The following STAU2 variants were observed in gnomAD, a reference collection of about 807,000 sequenced individuals.
STAU2 encodes double-stranded RNA-binding protein Staufen homolog 2.
A neutral mutation model predicts 65.9 loss-of-function variants in STAU2; 20 were observed. That is an observed-to-expected ratio of 0.30 (90% CI 0.21 to 0.44). STAU2 has a LOEUF of 0.44. Among genes scored for constraint, STAU2 ranks in the 20% least tolerant of loss-of-function variants. STAU2 has a pLI of 1.00. For synonymous variants in STAU2, 232 were observed against 233.9 expected, an observed-to-expected ratio of 0.99 and a Z score of 0.07; for missense variants, 558 against 683.9, an observed-to-expected ratio of 0.82 and a Z score of 2.05.
intron 6 of STAU2, among the ~76,000 whole-genome samples, chr8:73,654,589 G>A (rs973845824): frequency 2.4e-5 from 3 of 122,710 alleles, no homozygotes; most frequent in South Asian, 2.8e-4. Flanking sequence ...GCACTGAGCC[G>A]TGATCATGCC....
At chr8:73,434,416 C>A (rs1310171656) in intron 13 of STAU2, among the ~76,000 whole-genome samples, 1 of 151,852 alleles carries the variant, frequency 6.6e-6, no homozygotes, top group Admixed American at 6.5e-5. Context: ...GCCACTAGGT[C>A]TGTGGCAATT....
At chr8:73,516,840 C>A (rs552893530) in intron 13 of STAU2, among the ~76,000 whole-genome samples, 27 of 152,218 alleles carry the variant, frequency 1.8e-4, no homozygotes, top group Non-Finnish European at 3.8e-4. Context: ...AACTATATTC[C>A]ATTGATCATC....
At chr8:73,588,925 G>A (rs1810571620) in intron 11 of STAU2, among the ~76,000 whole-genome samples, 1 of 151,734 alleles carries the variant, frequency 6.6e-6, no homozygotes, top group Admixed American at 6.6e-5. Context: ...AATGAAGCTG[G>A]ACAAAAAAAT....
At position 73,533,179 on chromosome 8, in the gene STAU2, C is replaced by G. The variant is rs544862944; in HGVS notation, c.1530+18833G>C. On this transcript the variant is annotated intron_variant, in intron 13 of 14. Transcript: ENST00000524300. ...AAATCATTTTGCTGCCTTTGGTACT[C>G]TAAAATGTGAGCAACCAATCTTGAT... is the stretch of plus-strand genomic sequence containing the variant. Among the ~76,000 whole-genome samples the G allele has an allele frequency of 2.6e-5, 4 of 152,290 alleles. No individual in the cohort carries two copies. The East Asian group carries it at 7.7e-4, about 29-fold the overall frequency.
chr8:73,481,666 G>C (rs531653574), intron 13 of STAU2, among the ~76,000 whole-genome samples: 1 of 152,004 alleles, frequency 6.6e-6, no homozygotes, highest in East Asian at 1.9e-4. Context: ...ACTATGCAAA[G>C]AACTAAAATG....
intron 11 of STAU2, among the ~76,000 whole-genome samples, chr8:73,586,799 G>C (rs539046019): frequency 6.6e-6 from 1 of 151,904 alleles, no homozygotes; most frequent in Non-Finnish European, 1.5e-5. Context: ...GTCAGAGAGG[G>C]ACTAGAAAAC....
intron 12 of STAU2, among the ~76,000 whole-genome samples, chr8:73,579,231 C>T (rs1341065160): frequency 6.6e-6 from 1 of 152,204 alleles, no homozygotes; most frequent in Non-Finnish European, 1.5e-5. Context: ...TGTCTTTGGT[C>T]ATCTCTAATG....
At chr8:73,665,936 T>C (rs1280647009) in intron 6 of STAU2, among the ~76,000 whole-genome samples, 1 of 152,162 alleles carries the variant, frequency 6.6e-6, no homozygotes. Context: ...ACAATGTAAA[T>C]GCTATGAAAA....
chr8:73,653,227 A>G (rs1161492726), intron 6 of STAU2: 1 of 152,218 alleles, frequency 6.6e-6, no homozygotes, highest in African/African-American at 2.4e-5. Context: ...ATAAGGACAA[A>G]CCATGTACAT....
intron 3 of STAU2, among the ~76,000 whole-genome samples, chr8:73,711,145 A>C (rs1190461847): frequency 1.3e-5 from 2 of 150,242 alleles, no homozygotes; most frequent in African/African-American, 4.9e-5. Context: ...AAAAAAAAAA[A>C]AAAAAAAAAA....
chr8:73,475,577 A>G (rs1324984335), intron 13 of STAU2, among the ~76,000 whole-genome samples: 1 of 152,218 alleles, frequency 6.6e-6, no homozygotes, highest in Admixed American at 6.5e-5. Context: ...GAGATTTCAC[A>G]TCTCCTGTAC....
At chr8:73,599,167 T>G (rs898575877) in intron 10 of STAU2, among the ~76,000 whole-genome samples, 1 of 152,224 alleles carries the variant, frequency 6.6e-6, no homozygotes, top group Non-Finnish European at 1.5e-5. Context: ...AAATGTGAAG[T>G]GCTAAGAACA....
At chr8:73,661,164 A>C (rs1031005114) in intron 6 of STAU2, among the ~76,000 whole-genome samples, 3 of 152,184 alleles carry the variant, frequency 2.0e-5, no homozygotes, top group Admixed American at 2.0e-4. Flanking sequence ...CCACATAACT[A>C]TGATTCCAAC....
intron 13 of STAU2, among the ~76,000 whole-genome samples, chr8:73,512,203 C>T (rs1366296903): frequency 6.6e-6 from 1 of 152,076 alleles, no homozygotes; most frequent in African/African-American, 2.4e-5. Context: ...TTTGTTCTTC[C>T]TTTTCAAAAC....
At chr8:73,654,663 A>AAAAAAAAAAAAAAAAT (rs1280392351) in intron 6 of STAU2, among the ~76,000 whole-genome samples, 1 of 135,562 alleles carries the variant, frequency 7.4e-6, no homozygotes, top group Non-Finnish European at 1.6e-5. Flanking sequence ...AAAAAAAAAG[A>AAAAAAAAAAAAAAAAT]ACTCTTTTAA....
chr8:73,422,667 T>C lies in STAU2; in HGVS notation c.1566A>G (p.Gln522=). The C allele has an allele frequency of 6.6e-7, 1 of 1,507,324 alleles. No individual in the cohort carries two copies. The highest frequency in any genetic ancestry group is 1.4e-5 in the African/African-American group (1 of 71,552). The allele number at this position is 1,507,324 out of a possible 1,614,324, so 93.4% of individuals were successfully genotyped here. The change falls in exon 14 of 15, where the codon CAA becomes CAG. Residue 522 remains glutamine, a synonymous_variant. Coordinates refer to ENST00000524300, the MANE Select transcript of STAU2 (RefSeq NM_001164380.2). ...TTGCTCCATCGATTGGATCCAGTCC[T>C]TGTTCAGAAAATTGTTTCAAGGCAC... ...ALSALKQFSE[Q]GLDPIDGAMN...
At chr8:73,616,291 A>G (rs567433422) in intron 7 of STAU2, among the ~76,000 whole-genome samples, 7 of 152,332 alleles carry the variant, frequency 4.6e-5, no homozygotes, top group Admixed American at 1.3e-4. Flanking sequence ...TGAACTTACT[A>G]TAACTATTAG....
At chr8:73,709,846 G>A (rs1177409931) in intron 3 of STAU2, among the ~76,000 whole-genome samples, 2 of 151,640 alleles carry the variant, frequency 1.3e-5, no homozygotes, top group Admixed American at 6.6e-5. Context: ...CTTTTACAGA[G>A]TATTGATGTA....
At chr8:73,454,564 C>G (rs1159828019) in intron 13 of STAU2, among the ~76,000 whole-genome samples, 1 of 152,136 alleles carries the variant, frequency 6.6e-6, no homozygotes, top group East Asian at 1.9e-4. Flanking sequence ...GATTAGGACT[C>G]AATAGAATGG....
Sources: gnomAD v4.1 joint callset for allele counts (sites outside exome capture counted in the v4.1 genomes callset) on GRCh38, gnomAD v4.1.1 for gene constraint, MANE v1.5 for transcripts, NCBI Gene and HGNC (gene_info 2026-07-23, HGNC 2026-07-21) for gene names.